The following PTPN13 variants were observed in gnomAD, a reference collection of about 807,000 sequenced individuals.
The protein encoded by PTPN13 is protein tyrosine phosphatase non-receptor type 13.
A neutral mutation model predicts 284.0 loss-of-function variants in PTPN13; 191 were observed. That is an observed-to-expected ratio of 0.67 (90% CI 0.60 to 0.76). PTPN13 has a LOEUF of 0.76. PTPN13 is among the 30% of genes least tolerant of loss of function. The pLI, the probability that PTPN13 is intolerant of heterozygous loss-of-function variation, is 0.00. For missense variants in PTPN13, 2,797 were observed against 2,939.9 expected, an observed-to-expected ratio of 0.95 and a Z score of 1.12; for synonymous variants, 986 against 1,022.3, an observed-to-expected ratio of 0.96 and a Z score of 0.68.
intron 2 of PTPN13, among the ~76,000 whole-genome samples, chr4:86,645,104 G>A (rs1724261225): frequency 6.6e-6 from 1 of 151,992 alleles, no homozygotes; most frequent in South Asian, 2.1e-4. Flanking sequence ...AGCTATTCAA[G>A]AGGATGACTT....
At position 86,658,226 on chromosome 4, in the gene PTPN13, A is replaced by C. The variant is rs552896024; in HGVS notation, c.116-14139A>C. The stretch of plus-strand genomic sequence containing the variant: ...TACCTGTGTTGTGTTCTGCTATGAC[A>C]GAGCAGCACTGAGCTCCATTGTAAA... On this transcript the variant is annotated intron_variant, in intron 2 of 47. Transcript: ENST00000411767. Among the ~76,000 whole-genome samples, 7 of 152,334 alleles carry C rather than the reference A, an allele frequency of 4.6e-5. No homozygotes were observed. In the South Asian group the frequency reaches 1.4e-3, roughly 32 times the overall value.
In PTPN13 at chr4:86,722,347, C is replaced by A. The variant is rs564742955; in HGVS notation, c.1521C>A (p.Asp507Glu). 2.5e-6 allele frequency: 4 copies of A among 1,613,542 alleles called. No homozygotes were observed. Among genetic ancestry groups the A allele is most frequent in the Admixed American group, 1.7e-5 (1 of 59,978 alleles). The change falls in exon 10 of 48, where the codon GAC becomes GAA. Residue 507 changes from aspartate (D) to glutamate (E), a missense_variant. Asp to Glu is a conservative substitution (Grantham distance 45). Transcript: ENST00000411767. The stretch of plus-strand genomic sequence containing the variant: ...CTCGGTTGAGCCTATATCCAGGAGA[C>A]ACAATCAAAGCGTCCATGCTTGACA... ...RQSRLSLYPG[D>E]TIKASMLDIT...
Position 86,734,739 on chromosome 4 carries a change from A to G in PTPN13, c.2015A>G (p.His672Arg), listed in dbSNP as rs577415367. The G allele has an allele frequency of 1.7e-5, 28 of 1,607,312 alleles. No homozygotes were observed. In the Admixed American group the frequency reaches 2.2e-4, roughly 12 times the overall value. ...FFMDDVSLIQHTLTCHQYYLQ... is the reference protein window; with the variant it reads ...FFMDDVSLIQRTLTCHQYYLQ... ...TCTGTGTGTGTTTGTTTTTTCAGACATACTCTGACGTGTCATCAGTATTAC... is the reference window on the plus strand; with the variant it reads ...TCTGTGTGTGTTTGTTTTTTCAGACGTACTCTGACGTGTCATCAGTATTAC... Residue 672 changes from histidine to arginine, a missense_variant and splice_region_variant, in exon 14 of 48, where the codon CAT becomes CGT. By Grantham distance (29) the His-to-Arg change is conservative. Coordinates refer to ENST00000411767, the MANE Select transcript of PTPN13 (RefSeq NM_080683.3).
intron 44 of PTPN13, 41 bp downstream of exon 44, chr4:86,805,410 A>G: frequency 2.4e-6 from 3 of 1,240,962 alleles, no homozygotes; most frequent in Admixed American, 2.4e-5. Flanking sequence ...TGTGATCAGT[A>G]TAATATTAAT....
At chr4:86,770,050 T>C (rs1176632517) in intron 29 of PTPN13, 51 bp from the exon 30 acceptor site, 1 of 1,611,918 alleles carries the variant, frequency 6.2e-7, no homozygotes, top group African/African-American at 1.3e-5. Flanking sequence ...CAGAATGGTT[T>C]CATAATGCTG....
At chr4:86,776,887 A>G (rs1740714739) in intron 35 of PTPN13, among the ~76,000 whole-genome samples, 1 of 152,182 alleles carries the variant, frequency 6.6e-6, no homozygotes, top group Non-Finnish European at 1.5e-5. Flanking sequence ...ATAAAGCTGC[A>G]CCATCGTAAG....
At chr4:86,786,578 T>C (rs1056699720) in intron 40 of PTPN13, among the ~76,000 whole-genome samples, 1 of 152,160 alleles carries the variant, frequency 6.6e-6, no homozygotes, top group Admixed American at 6.5e-5. Flanking sequence ...ATATTAGATA[T>C]CTCAAAATGT....
chr4:86,601,010 C>A (rs1030606877), intron 1 of PTPN13, among the ~76,000 whole-genome samples: 1 of 151,974 alleles, frequency 6.6e-6, no homozygotes, highest in African/African-American at 2.4e-5. Context: ...TGATTAAATT[C>A]ATTCTTTACA....
chr4:86,617,024 A>G (rs111460801), intron 1 of PTPN13, among the ~76,000 whole-genome samples: 1 of 84,488 alleles, frequency 1.2e-5, no homozygotes, highest in Admixed American at 1.3e-4. Flanking sequence ...GTAGGAATTT[A>G]AAATTTTTAT....
intron 5 of PTPN13, chr4:86,689,860 T>G: frequency 3.1e-6 from 2 of 650,200 alleles, no homozygotes; most frequent in Non-Finnish European, 5.5e-6. Flanking sequence ...CTGATCTGGA[T>G]CTATACTTTA....
At chr4:86,795,600 T>C (rs1335748584) in intron 40 of PTPN13, among the ~76,000 whole-genome samples, 3 of 152,180 alleles carry the variant, frequency 2.0e-5, no homozygotes, top group African/African-American at 7.2e-5. Context: ...GTATGTTTAT[T>C]GCAGCACTGT....
intron 12 of PTPN13, 85 bp from the exon 13 acceptor site, chr4:86,734,218 A>G: frequency 9.2e-7 from 1 of 1,086,330 alleles, no homozygotes; most frequent in Non-Finnish European, 1.3e-6. Context: ...TCTTTTATGC[A>G]AGTCTGACCA....
intron 23 of PTPN13, among the ~76,000 whole-genome samples, 174 bp downstream of exon 23, chr4:86,759,247 T>C (rs1226127386): frequency 1.3e-5 from 2 of 152,226 alleles, no homozygotes; most frequent in Non-Finnish European, 2.9e-5. Context: ...TAGAGTCATT[T>C]ATCATTGTGT....
At position 86,734,428 on chromosome 4, in the gene PTPN13, T is replaced by C. The variant is rs973421918; in HGVS notation, c.1984T>C (p.Phe662Leu). The change falls in exon 13 of 48, where the codon TTT becomes CTT. Residue 662 changes from phenylalanine (F) to leucine (L), a missense_variant. Transcript: ENST00000411767. ...VNFTLFFRIK[F>L]FMDDVSLIQH... ...TTTTACTTTGTTTTTCAGAATTAAA[T>C]TTTTTATGGATGATGTTAGTCTAAT... is the stretch of plus-strand genomic sequence containing the variant. The C allele has an allele frequency of 6.4e-7, 1 of 1,557,878 alleles. No homozygotes were observed.
At chr4:86,654,415 A>C (rs560793012) in intron 2 of PTPN13, among the ~76,000 whole-genome samples, 1 of 152,310 alleles carries the variant, frequency 6.6e-6, no homozygotes, top group East Asian at 1.9e-4. Context: ...CACTGCTGTA[A>C]ATGTGTCCCA....
intron 3 of PTPN13, among the ~76,000 whole-genome samples, chr4:86,686,399 C>T (rs1450811689): frequency 6.6e-6 from 1 of 151,912 alleles, no homozygotes; most frequent in African/African-American, 2.4e-5. Context: ...GGTTTCTGAC[C>T]TTTTATGAAA....
intron 31 of PTPN13, among the ~76,000 whole-genome samples, chr4:86,771,959 AG>A (rs1332483452): frequency 2.0e-5 from 3 of 152,336 alleles, no homozygotes; most frequent in African/African-American, 7.2e-5. Context: ...AAAACATAGA[AG>A]CATACAAAGA....
intron 33 of PTPN13, among the ~76,000 whole-genome samples, 190 bp downstream of exon 33, chr4:86,774,721 A>ATT (rs987821654): frequency 5.9e-5 from 8 of 135,884 alleles, no homozygotes; most frequent in East Asian, 5.9e-4. Flanking sequence ...ATATATATAT[A>ATT]TTTTTTACTA....
At chr4:86,620,756 T>C (rs921366821) in intron 1 of PTPN13, among the ~76,000 whole-genome samples, 1 of 152,230 alleles carries the variant, frequency 6.6e-6, no homozygotes, top group Non-Finnish European at 1.5e-5. Context: ...TTCTACCAAG[T>C]GCTCTTCCCT....
Sources: gnomAD v4.1 joint callset for allele counts (sites outside exome capture counted in the v4.1 genomes callset) on GRCh38, gnomAD v4.1.1 for gene constraint, MANE v1.5 for transcripts, NCBI Gene and HGNC (gene_info 2026-07-23, HGNC 2026-07-21) for gene names.